The following COL6A2 variants were observed in gnomAD, a reference collection of about 807,000 sequenced individuals.
COL6A2 encodes the protein collagen type VI alpha 2 chain, also known as collagen alpha-2(VI) chain.
Under a neutral mutation model 124.9 loss-of-function variants are expected in COL6A2, and 90 were observed. The observed-to-expected ratio is 0.72, with a 90% CI of 0.61 to 0.86. The LOEUF is 0.86. Ranked by LOEUF, COL6A2 falls within the 40% of genes least tolerant of loss-of-function variation. The pLI, the probability that COL6A2 is intolerant of heterozygous loss-of-function variation, is 0.00. For synonymous variants in COL6A2, 793 were observed against 618.2 expected (o/e 1.28, Z -4.19); for missense variants, 1,607 against 1,502.5 (o/e 1.07, Z -1.15).
At chr21:46,129,124 G>A in intron 27 of COL6A2, 3 of 1,607,932 alleles carry the variant, frequency 1.9e-6, no homozygotes, top group Non-Finnish European at 1.7e-6. Flanking sequence ...TCGCTGAGCG[G>A]CTGCCCGAGG....
Position 46,116,552 on chromosome 21 carries a change from G to A in COL6A2, c.928-99G>A. 1 of 1,589,704 alleles carries A rather than the reference G, an allele frequency of 6.3e-7. No individual in the cohort carries two copies. The highest frequency in any genetic ancestry group is 1.7e-5 in the Admixed American group (1 of 59,728). On this transcript the variant is annotated intron_variant, in intron 8 of 27. Coordinates refer to ENST00000300527, the MANE Select transcript of COL6A2 (RefSeq NM_001849.4). The surrounding 1 kb of genome is among the most constrained non-coding windows in gnomAD (Gnocchi z 4.6). ...TTTGGGGGCTCCTGGGGGGTCCTGTGGCCTTGAGTTTGGCCCAAGGGCTTT... is the reference window on the plus strand; with the variant it reads ...TTTGGGGGCTCCTGGGGGGTCCTGTAGCCTTGAGTTTGGCCCAAGGGCTTT...
intron 27 of COL6A2, among the ~76,000 whole-genome samples, chr21:46,131,498 G>T (rs2078759367): frequency 1.3e-5 from 2 of 152,350 alleles, no homozygotes; most frequent in South Asian, 4.1e-4. Flanking sequence ...AGCTCTAGGT[G>T]TTCTGAGCAG....
chr21:46,124,564 G>A lies in COL6A2; in HGVS notation c.1672-87G>A, dbSNP rs1396554978. On this transcript the variant is annotated intron_variant, in intron 21 of 27. Transcript: ENST00000300527. The stretch of plus-strand genomic sequence containing the variant: ...CCCCCCCCCCGCCAAGGGAGGACCC[G>A]TGGTTGGGGACAGCACAGGGGGCCC... 2.7e-5 allele frequency: 34 copies of A among 1,261,584 alleles called. No individual in the cohort carries two copies. The Admixed American group carries it at 3.5e-4, about 13-fold the overall frequency. The allele number at this position is 1,261,584 out of a possible 1,614,324, so 78.1% of individuals were successfully genotyped here. A position where few individuals can be genotyped will look rare whatever the true frequency, so the allele number is the denominator to read the frequency against.
At chr21:46,122,034 C>A in intron 18 of COL6A2, 74 bp from the exon 19 acceptor site, 1 of 1,496,558 alleles carries the variant, frequency 6.7e-7, no homozygotes. Flanking sequence ...GTGCACCTTG[C>A]GCCCTGTTGA....
chr21:46,109,239 C>T (rs2123606553), intron 1 of COL6A2, among the ~76,000 whole-genome samples: 1 of 152,272 alleles, frequency 6.6e-6, no homozygotes, highest in African/African-American at 2.4e-5. Context: ...GTCCTGACAT[C>T]CCTTCAGGTC....
At position 46,132,320 on chromosome 21, in the gene COL6A2, C is replaced by G. The variant is rs372022187; in HGVS notation, c.2828C>G (p.Ser943Cys). ...RGGARRHAEL[S>C]FVFLTDGVTG... ...GGGGCCCGGAGGCACGCAGAGCTGT[C>G]CTTCGTGTTCCTCACGGACGGCGTC... The change falls in exon 28 of 28, where the codon TCC (serine) becomes TGC (cysteine). Residue 943 changes from serine (S) to cysteine (C), a missense_variant. Ser to Cys is a moderately radical substitution (Grantham distance 112). Coordinates refer to ENST00000300527, the MANE Select transcript of COL6A2 (RefSeq NM_001849.4). 7 of 1,607,238 alleles carry G rather than the reference C, an allele frequency of 4.4e-6. No individual in the cohort carries two copies. The African/African-American group carries it at 8.0e-5, about 18-fold the overall frequency.
Position 46,120,582 on chromosome 21 carries a change from G to A in COL6A2, c.1395+5G>A, listed in dbSNP as rs1373123496. The A allele has an allele frequency of 2.1e-6, 3 of 1,461,556 alleles. No homozygotes were observed. Among genetic ancestry groups the A allele is most frequent in the South Asian group, 1.4e-5 (1 of 69,794 alleles). The allele number at this position is 1,461,556 out of a possible 1,614,324, so 90.5% of individuals were successfully genotyped here. A position where few individuals can be genotyped will look rare whatever the true frequency, so the allele number is the denominator to read the frequency against. On this transcript the variant is annotated splice_donor_5th_base_variant and intron_variant, in intron 16 of 27. Coordinates refer to ENST00000300527, the MANE Select transcript of COL6A2 (RefSeq NM_001849.4). Reference sequence around the variant, plus strand: ...GTTGGCAACAAAGGAGCCAAGGTAGGGGAGCAGGGTGGGCCGCACCCCAAG... The same window carrying A: ...GTTGGCAACAAAGGAGCCAAGGTAGAGGAGCAGGGTGGGCCGCACCCCAAG...
At chr21:46,105,923 A>C (rs553932459) in intron 1 of COL6A2, among the ~76,000 whole-genome samples, 2 of 152,232 alleles carry the variant, frequency 1.3e-5, no homozygotes, top group African/African-American at 4.8e-5. Flanking sequence ...TCTCTCTGTT[A>C]AAAGACAGAG....
intron 1 of COL6A2, among the ~76,000 whole-genome samples, chr21:46,106,827 T>C (rs2078339917): frequency 6.6e-6 from 1 of 152,256 alleles, no homozygotes; most frequent in Admixed American, 6.5e-5. Flanking sequence ...AGCACAAGCT[T>C]TCTCATCACT....
intron 12 of COL6A2, 111 bp downstream of exon 12, chr21:46,118,047 GGTCA>G: frequency 9.8e-7 from 1 of 1,019,616 alleles, no homozygotes. Context: ...TGGAAACACT[GGTCA>G]GTGAGGAGCC....
chr21:46,123,141 G>C (rs962803972), intron 21 of COL6A2, among the ~76,000 whole-genome samples: 2 of 57,644 alleles, frequency 3.5e-5, no homozygotes, highest in Admixed American at 4.5e-4. Context: ...CCCCTCCCCA[G>C]TGACCCCCCA....
Position 46,116,298 on chromosome 21 carries a change from C to A in COL6A2, c.901-79C>A. On this transcript the variant is annotated intron_variant, in intron 7 of 27. Transcript: ENST00000300527. The surrounding 1 kb of genome is among the most constrained non-coding windows in gnomAD (Gnocchi z 4.6). Reference sequence around the variant, plus strand: ...CCAGCGGCCCACCGAGCACTCCCCTCAGCCTGCAGGGCTGGCCCTTCCCTG... The same window carrying A: ...CCAGCGGCCCACCGAGCACTCCCCTAAGCCTGCAGGGCTGGCCCTTCCCTG... 1 of 1,533,012 alleles carries A rather than the reference C, an allele frequency of 6.5e-7. No homozygotes were observed. The highest frequency in any genetic ancestry group is 9.0e-7 in the Non-Finnish European group (1 of 1,114,222). 95.0% of individuals were successfully genotyped at this position (1,533,012 alleles called of 1,614,324 possible).
intron 21 of COL6A2, 110 bp from the exon 22 acceptor site, chr21:46,124,541 C>CTG: frequency 4.3e-6 from 4 of 923,838 alleles, no homozygotes; most frequent in East Asian, 2.5e-5. Flanking sequence ...CTGTTAGCCC[C>CTG]CCCCCCCGCC....
At chr21:46,129,103 T>C in intron 27 of COL6A2, 1 of 1,604,328 alleles carries the variant, frequency 6.2e-7, no homozygotes, top group African/African-American at 1.3e-5. Flanking sequence ...ATGCCGCTCT[T>C]CACTCTGGCC....
At chr21:46,123,324 C>T (rs1054182918) in intron 21 of COL6A2, among the ~76,000 whole-genome samples, 9 of 150,876 alleles carry the variant, frequency 6.0e-5, no homozygotes, top group African/African-American at 2.2e-4. Context: ...AAGATGCCTC[C>T]ACATAGCATC....
In COL6A2 at chr21:46,103,068, A is replaced by G. The variant is rs576797126; in HGVS notation, c.-28+4895A>G. ...AGGTCCAGAGGTTGTTTGTCAGGAG[A>G]TTTTTGAGTATTGATTCAATCTCCT... On this transcript the variant is annotated intron_variant, in intron 1 of 27. Coordinates refer to ENST00000300527, the MANE Select transcript of COL6A2 (RefSeq NM_001849.4). Among the ~76,000 whole-genome samples, 5 of 152,164 alleles carry G rather than the reference A, an allele frequency of 3.3e-5. No individual in the cohort carries two copies. The South Asian group carries it at 8.3e-4, about 25-fold the overall frequency.
In COL6A2 at chr21:46,111,980, G is replaced by C. The variant is rs1270122764; in HGVS notation, c.117G>C (p.Glu39Asp). 1.2e-6 allele frequency: 2 copies of C among 1,611,436 alleles called. No homozygotes were observed. Among genetic ancestry groups the C allele is most frequent in the Non-Finnish European group, 1.7e-6 (2 of 1,179,954 alleles). Residue 39 changes from glutamate (E) to aspartate (D), a missense_variant and splice_region_variant, in exon 3 of 28, where the codon GAG (glutamate) becomes GAC (aspartate). By Grantham distance (45) the Glu-to-Asp change is conservative. This residue lies in a region of COL6A2 where 342 missense variants were observed against 381.5 expected (regional missense o/e 0.90). Transcript: ENST00000300527. ...DTTERNNNCP[E>D]KTDCPIHVYF... ...CGTGACAGGTCCTGTGCCCCACAGA[G>C]AAGACCGACTGCCCCATCCACGTGT... is the stretch of plus-strand genomic sequence containing the variant.
chr21:46,126,201 A>T lies in COL6A2; in HGVS notation c.2386A>T (p.Lys796Ter), dbSNP rs761846551. 16 of 1,602,666 alleles carry T rather than the reference A, an allele frequency of 1.0e-5. No homozygotes were observed. Among genetic ancestry groups the T allele is most frequent in the East Asian group, 8.9e-5 (4 of 44,830 alleles). The change falls in exon 26 of 28, where the codon AAG becomes TAG. Residue 796 changes from lysine (K) to a stop codon, truncating the protein, a stop_gained. Transcript: ENST00000300527. LOFTEE classifies it high-confidence loss of function. ...MTLFSDLVAEKFIDDMEDVLC... is the reference protein window; with the variant it reads ...MTLFSDLVAE ...GCTGTTCTCCGACCTGGTCGCTGAG[A>T]AGTTCATCGATGACATGGAGGACGT...
At chr21:46,115,798 G>A in intron 5 of COL6A2, 74 bp from the exon 6 acceptor site, 1 of 1,334,940 alleles carries the variant, frequency 7.5e-7, no homozygotes. Flanking sequence ...CCTCTCAGAG[G>A]AGCTGTGGCA....
Sources: allele counts gnomAD v4.1 joint callset (sites outside exome capture counted in the v4.1 genomes callset), GRCh38; gene constraint gnomAD v4.1.1; regional missense constraint gnomAD v4.1.1; non-coding constraint Gnocchi (gnomAD v3.1); transcripts MANE v1.5; gene names NCBI Gene and HGNC (gene_info 2026-07-23, HGNC 2026-07-21).